CCSER2: variants seen among roughly 807,000 people sequenced by gnomAD.
CCSER2 encodes serine-rich coiled-coil domain-containing protein 2.
Under a neutral mutation model 92.3 loss-of-function variants are expected in CCSER2, and 46 were observed. The observed-to-expected ratio is 0.50, with a 90% CI of 0.39 to 0.64. The LOEUF is 0.64. CCSER2 is among the 30% of genes least tolerant of loss of function. The pLI is 0.00. For synonymous variants in CCSER2, 433 were observed against 431.4 expected, an observed-to-expected ratio of 1.00 and a Z score of -0.04; for missense variants, 1,244 against 1,238.9, an observed-to-expected ratio of 1.00 and a Z score of -0.06.
At chr10:84,405,769 G>T (rs1842345417) in intron 3 of CCSER2, among the ~76,000 whole-genome samples, 1 of 152,270 alleles carries the variant, frequency 6.6e-6, no homozygotes, top group East Asian at 1.9e-4. Context: ...TATTAGAAGA[G>T]CTAAAATAAA....
chr10:84,447,047 C>A (rs11818859), intron 6 of CCSER2, among the ~76,000 whole-genome samples: 1,761 of 148,082 alleles, frequency 0.012, 36 homozygotes, highest in African/African-American at 0.041. Flanking sequence ...TTTTTTGACT[C>A]TGACAAATAA....
intron 1 of CCSER2, among the ~76,000 whole-genome samples, chr10:84,331,754 AAAAC>A (rs1843573107): frequency 6.6e-6 from 1 of 152,248 alleles, no homozygotes; most frequent in Non-Finnish European, 1.5e-5. Context: ...TTTAAAAATC[AAAAC>A]AAACTTAATT....
intron 5 of CCSER2, among the ~76,000 whole-genome samples, chr10:84,432,590 G>A (rs781163745): frequency 2.6e-5 from 4 of 152,164 alleles, no homozygotes; most frequent in Non-Finnish European, 5.9e-5. Context: ...TTATTCTCTT[G>A]TTGAGTTTTA....
rs1846090795 is a variant in CCSER2 at position 84,372,062 on chromosome 10, A to G, written c.1010A>G (p.Asp337Gly). The change falls in exon 2 of 10, where the codon GAT (aspartate) becomes GGT (glycine). Residue 337 changes from aspartate to glycine, a missense_variant. Coordinates refer to ENST00000372088, the MANE Select transcript of CCSER2 (RefSeq NM_001284240.2). ...CCATTTTCTGGGACTATGACAGTTG[A>G]TGGAAATAAAAATTCACCTGCTGAC... ...RSPFSGTMTV[D>G]GNKNSPADTC... The G allele has an allele frequency of 1.9e-6, 3 of 1,613,786 alleles. No individual in the cohort carries two copies. Among genetic ancestry groups the G allele is most frequent in the Non-Finnish European group, 2.5e-6 (3 of 1,179,844 alleles).
Position 84,514,897 on chromosome 10 carries a change from AGT to A in CCSER2, c.*633_*634del, listed in dbSNP as rs571619521. Reference sequence around the variant, plus strand: ...CATTTCCCAAATTCCCCAGACTGAAAGTGTTTCTTATTACATATAAATCAGTT... The same window carrying A: ...CATTTCCCAAATTCCCCAGACTGAAAGTTTCTTATTACATATAAATCAGTT... On this transcript the variant is annotated 3_prime_UTR_variant, in exon 10 of 10. Coordinates refer to ENST00000372088, the MANE Select transcript of CCSER2 (RefSeq NM_001284240.2). 47 of 152,810 alleles carry A rather than the reference AGT, an allele frequency of 3.1e-4. No homozygotes were observed. The highest frequency in any genetic ancestry group is 1.0e-3 in the African/African-American group (43 of 41,582). 9.5% of individuals were successfully genotyped at this position (152,810 alleles called of 1,614,324 possible).
intron 9 of CCSER2, among the ~76,000 whole-genome samples, chr10:84,494,299 A>G (rs1017734387): frequency 6.6e-6 from 1 of 152,156 alleles, no homozygotes; most frequent in Non-Finnish European, 1.5e-5. Context: ...AATTTATTAT[A>G]ATTAGCATAT....
chr10:84,502,049 T>C (rs1014797283), intron 9 of CCSER2, among the ~76,000 whole-genome samples: 2 of 149,674 alleles, frequency 1.3e-5, no homozygotes, highest in South Asian at 2.1e-4. Flanking sequence ...AGGGGAAATA[T>C]GCTCTAAACT....
chr10:84,458,914 T>A (rs926033745), intron 6 of CCSER2, among the ~76,000 whole-genome samples: 2 of 152,222 alleles, frequency 1.3e-5, no homozygotes, highest in Admixed American at 6.5e-5. Flanking sequence ...TAGTTTTTTT[T>A]AAATTCAATT....
At chr10:84,489,290 C>T (rs947491588) in intron 9 of CCSER2, among the ~76,000 whole-genome samples, 3 of 152,034 alleles carry the variant, frequency 2.0e-5, no homozygotes, top group Non-Finnish European at 4.4e-5. Flanking sequence ...TCCTGGATCT[C>T]GTTGTTAACT....
Position 84,514,072 on chromosome 10 carries a change from C to T in CCSER2, c.2949C>T (p.Pro983=). The change falls in exon 10 of 10, where the codon CCC becomes CCT. Residue 983 remains proline (P), a synonymous_variant. Coordinates refer to ENST00000372088, the MANE Select transcript of CCSER2 (RefSeq NM_001284240.2). The stretch of plus-strand genomic sequence containing the variant: ...ATCTGAAAGCATCTAAGCTCCGCCC[C>T]CCCTCAGGCTCTTTCAAACAAAAAC... ...NQNLKASKLR[P]PSGSFKQKQT... is the part of the protein sequence containing the mutation. The T allele has an allele frequency of 6.5e-7, 1 of 1,536,170 alleles. No homozygotes were observed. Among genetic ancestry groups the T allele is most frequent in the Non-Finnish European group, 8.7e-7 (1 of 1,146,922 alleles).
chr10:84,498,859 A>C (rs1360389508), intron 9 of CCSER2, among the ~76,000 whole-genome samples: 1 of 152,188 alleles, frequency 6.6e-6, no homozygotes, highest in Non-Finnish European at 1.5e-5. Flanking sequence ...TATAACATTG[A>C]ACAGTTACTT....
At chr10:84,439,580 T>C (rs1844402295) in intron 6 of CCSER2, among the ~76,000 whole-genome samples, 1 of 152,202 alleles carries the variant, frequency 6.6e-6, no homozygotes, top group African/African-American at 2.4e-5. Flanking sequence ...TTGGCTCCTG[T>C]GTTAGAAATG....
At chr10:84,390,765 C>T in intron 3 of CCSER2, 1 of 396,960 alleles carries the variant, frequency 2.5e-6, no homozygotes, top group Non-Finnish European at 4.6e-6. Flanking sequence ...TCTCATCCTA[C>T]TTGGGCTCTG....
intron 1 of CCSER2, among the ~76,000 whole-genome samples, chr10:84,345,888 T>C (rs1844446696): frequency 6.6e-6 from 1 of 152,198 alleles, no homozygotes; most frequent in Admixed American, 6.5e-5. Context: ...CACTTGTTTG[T>C]CAGCAACCCC....
intron 9 of CCSER2, among the ~76,000 whole-genome samples, chr10:84,485,918 G>A (rs573519001): frequency 3.9e-5 from 6 of 152,064 alleles, no homozygotes; most frequent in African/African-American, 1.2e-4. Flanking sequence ...AACAAGCCCC[G>A]GTGTGTGATG....
chr10:84,518,279 C>G lies in CCSER2; in HGVS notation c.*4012C>G, dbSNP rs1187695432. 6.6e-6 allele frequency: 1 copy of G among 152,574 alleles called. No individual in the cohort carries two copies. The highest frequency in any genetic ancestry group is 1.5e-5 in the Non-Finnish European group (1 of 68,036). The allele number at this position is 152,574 out of a possible 1,614,324, so 9.5% of individuals were successfully genotyped here. A position where few individuals can be genotyped will look rare whatever the true frequency, so the allele number is the denominator to read the frequency against. On this transcript the variant is annotated 3_prime_UTR_variant, in exon 10 of 10. Coordinates refer to ENST00000372088, the MANE Select transcript of CCSER2 (RefSeq NM_001284240.2). ...TGTTGGGAATAAGCTTACCCACTTT[C>G]TCCTTGGTAAAGCGTTTACTTAACA...
chr10:84,466,442 A>T (rs1846433434), intron 7 of CCSER2, among the ~76,000 whole-genome samples: 1 of 150,776 alleles, frequency 6.6e-6, no homozygotes, highest in South Asian at 2.1e-4. Flanking sequence ...AGGTAGCCTT[A>T]TGTTTGTTCA....
intron 5 of CCSER2, among the ~76,000 whole-genome samples, chr10:84,426,728 T>G (rs934045747): frequency 6.6e-6 from 1 of 152,194 alleles, no homozygotes; most frequent in Non-Finnish European, 1.5e-5. Flanking sequence ...AAACATGGTG[T>G]TGTGTAGTTC....
rs1247093785 is a variant in CCSER2 at position 84,509,467 on chromosome 10, TTATCA to T, written c.2326-3980_2326-3976del. 2.0e-5 allele frequency among the ~76,000 whole-genome samples: 3 copies of T among 152,294 alleles called. No individual in the cohort carries two copies. The East Asian group carries it at 5.8e-4, about 29-fold the overall frequency. On this transcript the variant is annotated intron_variant, in intron 9 of 9. Coordinates refer to ENST00000372088, the MANE Select transcript of CCSER2 (RefSeq NM_001284240.2). ...AGCAGCCTAAAATAGACATTTACAA[TTATCA>T]TTAAAGATGTCTACCAAGCCTTTGC... is the stretch of plus-strand genomic sequence containing the variant.
Sources: gnomAD v4.1 joint callset for allele counts (sites outside exome capture counted in the v4.1 genomes callset) on GRCh38, gnomAD v4.1.1 for gene constraint, MANE v1.5 for transcripts, NCBI Gene and HGNC (gene_info 2026-07-23, HGNC 2026-07-21) for gene names.